Variants in SLC17A3 observed in about 807,000 individuals in gnomAD.
SLC17A3 encodes sodium-dependent phosphate transport protein 4.
In SLC17A3, 61 loss-of-function variants were observed where a neutral mutation model predicts 60.3. The ratio of observed to expected loss-of-function variants is 1.01; its 90% CI spans 0.82 to 1.25. The LOEUF (loss-of-function observed/expected upper bound fraction) is 1.25, where lower values mean the gene tolerates loss of function less well. SLC17A3 is among the 50% of genes most tolerant of loss of function. The pLI is 0.00. For missense variants in SLC17A3, 624 were observed against 594.9 expected (o/e 1.05, Z -0.51); for synonymous variants, 192 against 208.9 (o/e 0.92, Z 0.70).
rs774960090 is a variant in SLC17A3 at position 25,845,509 on chromosome 6, T to G, written c.1370A>C (p.Glu457Ala). 1 of 1,613,996 alleles carries G rather than the reference T, an allele frequency of 6.2e-7. No homozygotes were observed. Among genetic ancestry groups the G allele is most frequent in the Non-Finnish European group, 8.5e-7 (1 of 1,179,930 alleles). Residue 457 changes from glutamate to alanine, a missense_variant, in exon 12 of 13, where the codon GAG (glutamate) becomes GCG (alanine). Coordinates refer to ENST00000397060, the MANE Select transcript of SLC17A3 (RefSeq NM_001098486.2). ...VSGFLLSQDP[E>A]FGWRNVFFLL... ...GAAGAAGACATTCCTCCACCCAAACTCAGGGTCCTGGAGACACAAAACCCC... is the reference window on the plus strand; with the variant it reads ...GAAGAAGACATTCCTCCACCCAAACGCAGGGTCCTGGAGACACAAAACCCC...
At chr6:25,859,455 C>T (rs72843579) in intron 5 of SLC17A3, among the ~76,000 whole-genome samples, 13,614 of 152,174 alleles carry the variant, frequency 0.089, 770 homozygotes, top group Non-Finnish European at 0.12. Context: ...AGCTTATTTT[C>T]CCCCCTAAAA....
chr6:25,862,157 A>T, intron 3 of SLC17A3, 76 bp downstream of exon 3: 1 of 1,452,076 alleles, frequency 6.9e-7, no homozygotes, highest in Admixed American at 1.8e-5. Context: ...TTAAACATAC[A>T]TACTCTAGAA....
chr6:25,864,056 A>G (rs1440550329), intron 2 of SLC17A3, among the ~76,000 whole-genome samples: 2 of 152,068 alleles, frequency 1.3e-5, no homozygotes, highest in Non-Finnish European at 2.9e-5. Flanking sequence ...CCAATGACAT[A>G]CCAGAGAGGT....
Position 25,862,013 on chromosome 6 carries a change from C to A in SLC17A3, c.320G>T (p.Trp107Leu). The A allele has an allele frequency of 6.2e-7, 1 of 1,605,538 alleles. No individual in the cohort carries two copies. The highest frequency in any genetic ancestry group is 8.5e-7 in the Non-Finnish European group (1 of 1,175,726). ...SLPAKAPVYD[W>L]SPQIQGIIFG... ...GATGATGCCTTGGATTTGAGGAGACCAGTCATACACAGGAGCCTTAGAGAA... is the reference window on the plus strand; with the variant it reads ...GATGATGCCTTGGATTTGAGGAGACAAGTCATACACAGGAGCCTTAGAGAA... Residue 107 changes from tryptophan (W) to leucine (L), a missense_variant, in exon 4 of 13, where the codon TGG (tryptophan) becomes TTG (leucine). By Grantham distance (61) the Trp-to-Leu change is moderately conservative. Transcript: ENST00000397060.
At chr6:25,865,964 A>G (rs1765527407) in intron 2 of SLC17A3, among the ~76,000 whole-genome samples, 1 of 152,060 alleles carries the variant, frequency 6.6e-6, no homozygotes, top group African/African-American at 2.4e-5. Context: ...TAATGAATTC[A>G]GTACTACTGT....
At position 25,854,549 on chromosome 6, in the gene SLC17A3, G is replaced by A. The variant is rs148172528; in HGVS notation, c.712+595C>T. ...TCACTGTCCAGAAGGGGAGTTAAAT[G>A]TATAAACAAATGAATGCAAACTAAT... is the stretch of plus-strand genomic sequence containing the variant. On this transcript the variant is annotated intron_variant, in intron 6 of 12. Coordinates refer to ENST00000397060, the MANE Select transcript of SLC17A3 (RefSeq NM_001098486.2). Among the ~76,000 whole-genome samples, 406 of 152,270 alleles carry A rather than the reference G, an allele frequency of 2.7e-3. 3 individuals carry two copies. Among genetic ancestry groups the A allele is most frequent in the African/African-American group, 9.2e-3 (382 of 41,548 alleles).
At chr6:25,868,444 C>T (rs2151527759) in intron 1 of SLC17A3, 24 bp from the exon 2 acceptor site, 1 of 1,400,880 alleles carries the variant, frequency 7.1e-7, no homozygotes, top group Non-Finnish European at 1.0e-6. Flanking sequence ...ATGTAATTCA[C>T]ATGCATCAGT....
In SLC17A3 at chr6:25,845,269, C is replaced by G; in HGVS notation, c.*32G>C. 1 of 1,301,538 alleles carries G rather than the reference C, an allele frequency of 7.7e-7. No homozygotes were observed. The highest frequency in any genetic ancestry group is 1.7e-5 in the Admixed American group (1 of 59,028). 80.6% of individuals were successfully genotyped at this position (1,301,538 alleles called of 1,614,324 possible). ...CCTTCTATTTTATGCAATACGGTGC[C>G]TAATGACTTTTCCATCCAAGGTGGG... On this transcript the variant is annotated 3_prime_UTR_variant, in exon 13 of 13. Coordinates refer to ENST00000397060, the MANE Select transcript of SLC17A3 (RefSeq NM_001098486.2).
chr6:25,847,797 T>C (rs6913795), intron 11 of SLC17A3, among the ~76,000 whole-genome samples: 10,823 of 152,166 alleles, frequency 0.071, 421 homozygotes, highest in Non-Finnish European at 0.087. Context: ...TTTGATTACA[T>C]GAGTAAGTTC....
chr6:25,845,234 A>G lies in SLC17A3; in HGVS notation c.*67T>C. 1 of 868,608 alleles carries G rather than the reference A, an allele frequency of 1.2e-6. No homozygotes were observed. The highest frequency in any genetic ancestry group is 1.8e-6 in the Non-Finnish European group (1 of 556,750). The allele number at this position is 868,608 out of a possible 1,614,324, so 53.8% of individuals were successfully genotyped here. The stretch of plus-strand genomic sequence containing the variant: ...AAAAAATCTTTTCACTGGTATTTTC[A>G]TCACGGAAGCCTTCTATTTTATGCA... On this transcript the variant is annotated 3_prime_UTR_variant, in exon 13 of 13. Coordinates refer to ENST00000397060, the MANE Select transcript of SLC17A3 (RefSeq NM_001098486.2).
intron 1 of SLC17A3, among the ~76,000 whole-genome samples, chr6:25,873,304 C>T (rs976741565): frequency 6.6e-6 from 1 of 152,088 alleles, no homozygotes; most frequent in Non-Finnish European, 1.5e-5. Context: ...CACTAAAAAG[C>T]TATGCTGGTT....
At chr6:25,859,175 T>C (rs529455779) in intron 5 of SLC17A3, among the ~76,000 whole-genome samples, 8 of 152,116 alleles carry the variant, frequency 5.3e-5, no homozygotes, top group Non-Finnish European at 8.8e-5. Context: ...AGATAAGTAA[T>C]TTACTAAGAA....
rs1561858005 is a variant in SLC17A3, at chr6:25,861,616, G to A, written c.625+8C>T. On this transcript the variant is annotated splice_region_variant and intron_variant, in intron 5 of 12. Transcript: ENST00000397060. ...TGTAGTGTACCCATTTGGATTACAT[G>A]TCCTTACCTGATAAAGCAATGCTGC... 3 of 1,612,560 alleles carry A rather than the reference G, an allele frequency of 1.9e-6. No homozygotes were observed. Among genetic ancestry groups the A allele is most frequent in the Non-Finnish European group, 2.5e-6 (3 of 1,178,584 alleles).
intron 2 of SLC17A3, among the ~76,000 whole-genome samples, chr6:25,863,227 T>G (rs910958451): frequency 1.1e-4 from 17 of 152,004 alleles, no homozygotes; most frequent in African/African-American, 3.9e-4. Context: ...ATTAAAGAAC[T>G]CTTCAGAAGT....
chr6:25,845,370 T>C lies in SLC17A3; in HGVS notation c.*2+10A>G, dbSNP rs769020839. The C allele has an allele frequency of 6.2e-7, 1 of 1,613,852 alleles. No homozygotes were observed. The highest frequency in any genetic ancestry group is 8.5e-7 in the Non-Finnish European group (1 of 1,179,824). ...TGGCTATAACCATGCATAAAATCAC[T>C]ATCCTTTACCTTCATAAACGAGTGA... On this transcript the variant is annotated intron_variant, in intron 12 of 12. Coordinates refer to ENST00000397060, the MANE Select transcript of SLC17A3 (RefSeq NM_001098486.2).
chr6:25,863,519 A>G (rs950109175), intron 2 of SLC17A3, among the ~76,000 whole-genome samples: 1 of 152,114 alleles, frequency 6.6e-6, no homozygotes, highest in African/African-American at 2.4e-5. Flanking sequence ...GTGTGGGAAG[A>G]AAAGGGACTT....
intron 11 of SLC17A3, among the ~76,000 whole-genome samples, chr6:25,846,129 AT>A (rs1208211506): frequency 5.9e-5 from 9 of 151,986 alleles, no homozygotes; most frequent in African/African-American, 1.9e-4. Flanking sequence ...ATTATTTACA[AT>A]TTTCTAGAAA....
intron 5 of SLC17A3, among the ~76,000 whole-genome samples, chr6:25,860,956 G>A (rs1427369053): frequency 6.6e-6 from 1 of 152,160 alleles, no homozygotes; most frequent in Non-Finnish European, 1.5e-5. Flanking sequence ...CAGGGTGTGT[G>A]TGTAGCTTAT....
rs1018399218 is a variant in SLC17A3 at position 25,850,056 on chromosome 6, G to C, written c.1115C>G (p.Thr372Arg). The stretch of plus-strand genomic sequence containing the variant: ...TCAAGCTCTGTTCTTACCTAAAATT[G>C]TGGCAATTTTCCTCACAGTGATGAG... ...FRLITVRKIA[T>R]ILGSLPSSAL... Residue 372 changes from threonine to arginine, a missense_variant, in exon 9 of 13, where the codon ACA becomes AGA. Thr to Arg is a moderately conservative substitution (Grantham distance 71). Coordinates refer to ENST00000397060, the MANE Select transcript of SLC17A3 (RefSeq NM_001098486.2). The C allele has an allele frequency of 6.2e-7, 1 of 1,613,920 alleles. No individual in the cohort carries two copies. Among genetic ancestry groups the C allele is most frequent in the East Asian group, 2.2e-5 (1 of 44,868 alleles).
Sources: gnomAD v4.1 joint callset for allele counts (sites outside exome capture counted in the v4.1 genomes callset) on GRCh38, gnomAD v4.1.1 for gene constraint, MANE v1.5 for transcripts, NCBI Gene and HGNC (gene_info 2026-07-23, HGNC 2026-07-21) for gene names.